Variants in TRPM2 observed in about 807,000 individuals in gnomAD.
TRPM2 encodes transient receptor potential cation channel subfamily M member 2.
In TRPM2, 161 loss-of-function variants were observed where a neutral mutation model predicts 174.0. The ratio of observed to expected loss-of-function variants is 0.93; its 90% CI spans 0.81 to 1.05. The LOEUF (loss-of-function observed/expected upper bound fraction) is 1.05, where lower values mean the gene tolerates loss of function less well. Among genes scored for constraint, TRPM2 ranks in the 50% least tolerant of loss-of-function variants. The pLI is 0.00. For missense variants in TRPM2, 2,057 were observed against 2,038.0 expected (o/e 1.01, Z -0.18); for synonymous variants, 954 against 861.3 (o/e 1.11, Z -1.88).
intron 11 of TRPM2, among the ~76,000 whole-genome samples, chr21:44,392,422 T>C (rs2049210081): frequency 7.6e-6 from 1 of 131,646 alleles, no homozygotes; most frequent in African/African-American, 2.7e-5. Flanking sequence ...CACACCCAGC[T>C]TTTTTTTTTT....
In TRPM2 at chr21:44,354,700, T is replaced by C. The variant is rs1323137608; in HGVS notation, c.218T>C (p.Val73Ala). The change falls in exon 2 of 32, where the codon GTG (valine) becomes GCG (alanine). Residue 73 changes from valine to alanine, a missense_variant. Val to Ala is a moderately conservative substitution (Grantham distance 64, BLOSUM62 0). Coordinates refer to ENST00000397928, the MANE Select transcript of TRPM2 (RefSeq NM_003307.4). This position sits in a 1 kb window ranked among gnomAD's most constrained non-coding sequence, Gnocchi z 4.3. ...GAAAACATCAAGAAGAAAGAATGCG[T>C]GTATTTTGTGGAAAGTTCCAAACTG... ...IPENIKKKEC[V>A]YFVESSKLSD... The C allele has an allele frequency of 1.9e-6, 3 of 1,614,134 alleles. No individual in the cohort carries two copies.
In TRPM2 at chr21:44,439,883, G is replaced by A. The variant is rs576806609; in HGVS notation, c.4269+715G>A. Reference sequence around the variant, plus strand: ...GCTGCAGCGGTGAGACACCACACCCGTCTAATATTTTGTATTTTTAGTAGA... The same window carrying A: ...GCTGCAGCGGTGAGACACCACACCCATCTAATATTTTGTATTTTTAGTAGA... On this transcript the variant is annotated intron_variant, in intron 30 of 31. Coordinates refer to ENST00000397928, the MANE Select transcript of TRPM2 (RefSeq NM_003307.4). The surrounding 1 kb of genome is among the most constrained non-coding windows in gnomAD (Gnocchi z 5.1). Among the ~76,000 whole-genome samples, 91 of 152,074 alleles carry A rather than the reference G, an allele frequency of 6.0e-4. 1 individual carries two copies. Among genetic ancestry groups the A allele is most frequent in the Middle Eastern group, 3.4e-3 (1 of 294 alleles).
chr21:44,403,502 GCA>G (rs143971591), intron 16 of TRPM2, among the ~76,000 whole-genome samples: 1 of 148,934 alleles, frequency 6.7e-6, no homozygotes, highest in East Asian at 2.0e-4. Context: ...ACAGGTACAT[GCA>G]CACACATGTA....
At chr21:44,408,378 G>C (rs991912832) in intron 19 of TRPM2, among the ~76,000 whole-genome samples, 3 of 152,032 alleles carry the variant, frequency 2.0e-5, no homozygotes, top group African/African-American at 4.8e-5. Context: ...CCATGTTTAA[G>C]TTTTTGTGGA....
chr21:44,391,573 G>C lies in TRPM2; in HGVS notation c.1742G>C (p.Arg581Pro), dbSNP rs768969938. The C allele has an allele frequency of 6.3e-7, 1 of 1,592,668 alleles. No individual in the cohort carries two copies. Residue 581 changes from arginine to proline, a missense_variant, in exon 11 of 32, where the codon CGG becomes CCG. Arg to Pro is a moderately radical substitution (Grantham distance 103). Transcript: ENST00000397928. This position sits in a 1 kb window ranked among gnomAD's most constrained non-coding sequence, Gnocchi z 5.0. ...DFTQPLYPRPRHNDRLRLLLP... is the reference protein window; with the variant it reads ...DFTQPLYPRPPHNDRLRLLLP... ...ACGCAGCCGCTTTATCCCCGGCCCC[G>C]GCACAACGACCGGCTGCGGCTCCTG... is the stretch of plus-strand genomic sequence containing the variant.
intron 27 of TRPM2, among the ~76,000 whole-genome samples, chr21:44,427,725 G>T (rs553735110): frequency 6.6e-6 from 1 of 152,264 alleles, no homozygotes; most frequent in South Asian, 2.1e-4. Flanking sequence ...GGAACCAAAG[G>T]GTCTGAAGGA....
In TRPM2 at chr21:44,426,970, C is replaced by T. The variant is rs1028070451; in HGVS notation, c.3873-40C>T. 3.9e-6 allele frequency: 6 copies of T among 1,543,368 alleles called. No homozygotes were observed. In the African/African-American group the frequency reaches 6.8e-5, roughly 18 times the overall value. ...CTGCCTGTCTGCTCTGTCCCACCTG[C>T]AACACGGGCACACAGACACGCCTTC... On this transcript the variant is annotated intron_variant, in intron 26 of 31. Coordinates refer to ENST00000397928, the MANE Select transcript of TRPM2 (RefSeq NM_003307.4).
intron 27 of TRPM2, among the ~76,000 whole-genome samples, chr21:44,431,134 G>A (rs902166249): frequency 6.6e-6 from 1 of 151,664 alleles, no homozygotes; most frequent in Non-Finnish European, 1.5e-5. Context: ...TTGTGTGTTA[G>A]AGCTCATTTT....
chr21:44,377,151 C>T (rs1222963916), intron 6 of TRPM2, among the ~76,000 whole-genome samples: 1 of 152,144 alleles, frequency 6.6e-6, no homozygotes, highest in Non-Finnish European at 1.5e-5. Context: ...AGACGATGGG[C>T]CCATGGGGGG....
At chr21:44,422,524 G>C in intron 22 of TRPM2, 5 of 1,394,190 alleles carry the variant, frequency 3.6e-6, no homozygotes, top group Non-Finnish European at 4.8e-6. Context: ...CTAGATAACT[G>C]TTTAAAGTGG....
chr21:44,405,534 TCCAC>T lies in TRPM2; in HGVS notation c.2657+275_2657+278del, dbSNP rs1223838696. The stretch of plus-strand genomic sequence containing the variant: ...TGGCAACCTCTGGAATTGTCCCAGC[TCCAC>T]GGACACGCGGCTGCCGCTTTCTCCC... On this transcript the variant is annotated intron_variant, in intron 17 of 31. Transcript: ENST00000397928. 1.4e-4 allele frequency among the ~76,000 whole-genome samples: 22 copies of T among 152,250 alleles called. No homozygotes were observed. The East Asian group carries it at 4.1e-3, about 28-fold the overall frequency.
rs772629307 is a variant in TRPM2, at chr21:44,377,756, G to A, written c.997G>A (p.Gly333Ser). 48 of 1,614,176 alleles carry A rather than the reference G, an allele frequency of 3.0e-5. No individual in the cohort carries two copies. The highest frequency in any genetic ancestry group is 1.7e-4 in the Middle Eastern group (1 of 6,046). ...CATCGTGTGCGTGGTGCTGGAGGGC[G>A]GCCCGGGCACGTTGCACGTGAGTAT... ...IPIVCVVLEG[G>S]PGTLHTIDNA... The change falls in exon 7 of 32, where the codon GGC (glycine) becomes AGC (serine). Residue 333 changes from glycine to serine, a missense_variant. Physicochemically the swap from Gly to Ser is moderately conservative, Grantham distance 56. Transcript: ENST00000397928.
rs1396680561 is a variant in TRPM2, at chr21:44,439,874, A to G, written c.4269+706A>G. Among the ~76,000 whole-genome samples, 1 of 152,016 alleles carries G rather than the reference A, an allele frequency of 6.6e-6. No homozygotes were observed. The highest frequency in any genetic ancestry group is 1.5e-5 in the Non-Finnish European group (1 of 67,998). On this transcript the variant is annotated intron_variant, in intron 30 of 31. Transcript: ENST00000397928. The surrounding 1 kb of genome is among the most constrained non-coding windows in gnomAD (Gnocchi z 5.1). Reference sequence around the variant, plus strand: ...GCAGCAGGGGCTGCAGCGGTGAGACACCACACCCGTCTAATATTTTGTATT... The same window carrying G: ...GCAGCAGGGGCTGCAGCGGTGAGACGCCACACCCGTCTAATATTTTGTATT...
intron 11 of TRPM2, among the ~76,000 whole-genome samples, chr21:44,392,487 A>T (rs777880191): frequency 5.9e-5 from 9 of 151,600 alleles, no homozygotes; most frequent in Non-Finnish European, 1.3e-4. Flanking sequence ...GCTGGTCTCA[A>T]ACTCCGGGGC....
At chr21:44,350,934 C>T (rs1001180779), upstream of TRPM2, among the ~76,000 whole-genome samples, 20 of 152,270 alleles carry the variant, frequency 1.3e-4, no homozygotes, top group African/African-American at 4.8e-4. Flanking sequence ...TTACTTCCTC[C>T]GTCCCCGCAC....
intron 16 of TRPM2, among the ~76,000 whole-genome samples, chr21:44,403,673 ATG>A (rs2049720699): frequency 6.6e-6 from 1 of 151,914 alleles, no homozygotes; most frequent in Admixed American, 6.6e-5. Flanking sequence ...GCATACACAC[ATG>A]CATACACATA....
intron 17 of TRPM2, 120 bp from the exon 18 acceptor site, chr21:44,405,785 C>T: frequency 1.6e-6 from 2 of 1,241,390 alleles, no homozygotes; most frequent in Non-Finnish European, 2.2e-6. Flanking sequence ...CAGGGCCCAC[C>T]AGAGCCCTTT....
intron 2 of TRPM2, among the ~76,000 whole-genome samples, chr21:44,356,873 C>T (rs1005629735): frequency 6.6e-6 from 1 of 152,330 alleles, no homozygotes; most frequent in African/African-American, 2.4e-5. Flanking sequence ...CAGGGTATTT[C>T]TGATGTTGCC....
chr21:44,382,847 T>G, intron 9 of TRPM2, 27 bp downstream of exon 9: 1 of 1,597,014 alleles, frequency 6.3e-7, no homozygotes, highest in South Asian at 1.1e-5. Context: ...ATGGGGGCAA[T>G]GGGGTGGAGG....
Sources: gnomAD v4.1 joint callset for allele counts (sites outside exome capture counted in the v4.1 genomes callset) on GRCh38, gnomAD v4.1.1 for gene constraint, Gnocchi (gnomAD v3.1) non-coding constraint, MANE v1.5 for transcripts, NCBI Gene and HGNC (gene_info 2026-07-23, HGNC 2026-07-21) for gene names.